The following INSC variants were observed in gnomAD, a reference collection of about 807,000 sequenced individuals.
The protein encoded by INSC is INSC spindle orientation adaptor protein, also known as protein inscuteable homolog.
Under a neutral mutation model 58.6 loss-of-function variants are expected in INSC, and 67 were observed. That is an observed-to-expected ratio of 1.14 (90% CI 0.94 to 1.40). The LOEUF (loss-of-function observed/expected upper bound fraction) is 1.40. INSC is among the 40% of genes most tolerant of loss of function. INSC has a pLI of 0.00. For missense variants in INSC, 714 were observed against 692.0 expected, an observed-to-expected ratio of 1.03 and a Z score of -0.36; for synonymous variants, 262 against 276.1, an observed-to-expected ratio of 0.95 and a Z score of 0.51.
chr11:15,255,219 A>G, the INSC span, among the ~76,000 whole-genome samples: 1 of 152,172 alleles, frequency 6.6e-6, no homozygotes, highest in Non-Finnish European at 1.5e-5. Context: ...TGATCTTAAA[A>G]TACTTCGGCA....
chr11:15,157,538 C>T (rs1011443112), intron 2 of INSC, among the ~76,000 whole-genome samples: 1 of 152,202 alleles, frequency 6.6e-6, no homozygotes, highest in Non-Finnish European at 1.5e-5. Flanking sequence ...CCCCACCACA[C>T]AGCCAGAACT....
chr11:15,265,400 C>G, the INSC span, among the ~76,000 whole-genome samples: 3 of 151,832 alleles, frequency 2.0e-5, no homozygotes, highest in African/African-American at 7.2e-5. Flanking sequence ...TTTGAATAAT[C>G]AGTAAAATTT....
intron 10 of INSC, among the ~76,000 whole-genome samples, chr11:15,238,072 A>G (rs1852199188): frequency 1.3e-5 from 2 of 152,212 alleles, no homozygotes; most frequent in Non-Finnish European, 2.9e-5. Context: ...CAGAAGATGA[A>G]CTTTTGCTAC....
rs547519867 is a variant in INSC at position 15,224,602 on chromosome 11, C to G, written c.992-1048C>G. Among the ~76,000 whole-genome samples, 8 of 152,260 alleles carry G rather than the reference C, an allele frequency of 5.3e-5. No individual in the cohort carries two copies. The South Asian group carries it at 1.7e-3, about 32-fold the overall frequency. On this transcript the variant is annotated intron_variant, in intron 8 of 12. Coordinates refer to ENST00000379556, the MANE Select transcript of INSC (RefSeq NM_001042536.3). ...GTTATCAGTAGGAGAGGGCCTGGAC[C>G]GGAGAAGTACCTTGATTGGTAGTGA...
chr11:15,264,006 T>A, the INSC span, among the ~76,000 whole-genome samples: 1 of 151,666 alleles, frequency 6.6e-6, no homozygotes, highest in Admixed American at 6.6e-5. Context: ...CTGCTGCGTA[T>A]CTCTGACTGA....
At chr11:15,214,986 T>A (rs145078509) in intron 7 of INSC, among the ~76,000 whole-genome samples, 1 of 152,172 alleles carries the variant, frequency 6.6e-6, no homozygotes, top group East Asian at 1.9e-4. Flanking sequence ...TCTTTATAAA[T>A]CACCCAGTCT....
the INSC span, among the ~76,000 whole-genome samples, chr11:15,264,155 G>T: frequency 1.2e-5 from 1 of 84,712 alleles, no homozygotes; most frequent in African/African-American, 4.4e-5. Context: ...GCAGCAGTAA[G>T]ACTGAAGTTC....
intron 7 of INSC, among the ~76,000 whole-genome samples, chr11:15,221,178 G>A (rs919728871): frequency 6.6e-5 from 10 of 152,050 alleles, no homozygotes; most frequent in African/African-American, 2.4e-4. Context: ...ATTTGCTGTG[G>A]TGGATGACCA....
At chr11:15,194,032 C>A (rs1226501433) in intron 6 of INSC, among the ~76,000 whole-genome samples, 2 of 152,190 alleles carry the variant, frequency 1.3e-5, no homozygotes, top group East Asian at 3.9e-4. Context: ...CACTCCAATA[C>A]TACATTCAAG....
chr11:15,114,192 C>G (rs1847637188), upstream of INSC, among the ~76,000 whole-genome samples: 1 of 131,122 alleles, frequency 7.6e-6, no homozygotes, highest in South Asian at 2.3e-4. Flanking sequence ...CATTCCCGAG[C>G]TTTTGGGTAG....
chr11:15,168,589 C>T (rs1849282999), intron 2 of INSC, among the ~76,000 whole-genome samples: 1 of 152,122 alleles, frequency 6.6e-6, no homozygotes, highest in African/African-American at 2.4e-5. Context: ...CCCTTTTGTG[C>T]CATGCAGTGT....
At chr11:15,182,171 A>T (rs1792572) in intron 5 of INSC, among the ~76,000 whole-genome samples, 109,872 of 152,134 alleles carry the variant, frequency 0.72, 40,675 homozygotes, top group East Asian at 0.99. Context: ...CACTACACAT[A>T]TATTCTGAGA....
At chr11:15,264,331 C>G in the INSC span, among the ~76,000 whole-genome samples, 2 of 149,592 alleles carry the variant, frequency 1.3e-5, no homozygotes, top group African/African-American at 2.5e-5. Context: ...TGCTGCGTAT[C>G]TCTGACTGAA....
chr11:15,153,256 T>A (rs1270528511), intron 2 of INSC, among the ~76,000 whole-genome samples: 2 of 152,208 alleles, frequency 1.3e-5, no homozygotes, highest in African/African-American at 2.4e-5. Flanking sequence ...CTTCTCCCTG[T>A]GAGTGAAACA....
intron 5 of INSC, among the ~76,000 whole-genome samples, chr11:15,180,492 C>G (rs1257086100): frequency 5.3e-5 from 8 of 151,986 alleles, no homozygotes. Context: ...TGAATCCATT[C>G]TGCTATTTCT....
intron 12 of INSC, 46 bp from the exon 13 acceptor site, chr11:15,245,866 A>G (rs764063755): frequency 1.3e-6 from 2 of 1,596,198 alleles, no homozygotes; most frequent in South Asian, 2.2e-5. Context: ...CATGTACCTG[A>G]CATGGCCCAG....
intron 2 of INSC, among the ~76,000 whole-genome samples, chr11:15,157,720 A>C (rs1264425747): frequency 6.6e-6 from 1 of 152,148 alleles, no homozygotes; most frequent in Non-Finnish European, 1.5e-5. Flanking sequence ...CTAGACTCCC[A>C]AAATTGAGAA....
chr11:15,189,955 T>G (rs759427392), intron 5 of INSC, among the ~76,000 whole-genome samples: 7 of 152,256 alleles, frequency 4.6e-5, no homozygotes, highest in Middle Eastern at 3.2e-3. Context: ...GTATCTTTTT[T>G]GTTAATGAAT....
intron 10 of INSC, among the ~76,000 whole-genome samples, chr11:15,238,439 C>A (rs1852213934): frequency 6.6e-6 from 1 of 152,062 alleles, no homozygotes; most frequent in African/African-American, 2.4e-5. Context: ...GTAGAGAAAC[C>A]AGTTATCTGA....
Sources: allele counts gnomAD v4.1 joint callset (sites outside exome capture counted in the v4.1 genomes callset), GRCh38; gene constraint gnomAD v4.1.1; transcripts MANE v1.5; gene names NCBI Gene and HGNC (gene_info 2026-07-23, HGNC 2026-07-21).